The following RIC1 variants were observed in gnomAD, a reference collection of about 807,000 sequenced individuals.
RIC1 encodes the protein RIC1 partner of RAB6A GEF complex.
A neutral mutation model predicts 169.0 loss-of-function variants in RIC1; 88 were observed. That is an observed-to-expected ratio of 0.52 (90% CI 0.44 to 0.62). The LOEUF is 0.62. Among genes scored for constraint, RIC1 ranks in the 20% least tolerant of loss-of-function variants. RIC1 has a pLI of 0.00. For missense variants in RIC1, 1,877 were observed against 1,725.5 expected (o/e 1.09, Z -1.56); for synonymous variants, 790 against 601.5 (o/e 1.31, Z -4.59).
chr9:5,777,215 A>G (rs1369497226), downstream of RIC1, among the ~76,000 whole-genome samples: 1 of 151,788 alleles, frequency 6.6e-6, no homozygotes, highest in African/African-American at 2.4e-5. Flanking sequence ...AGTTCTTTAT[A>G]TATTCTGGAT....
At chr9:5,643,205 G>C (rs985363911) in intron 1 of RIC1, among the ~76,000 whole-genome samples, 25 of 152,156 alleles carry the variant, frequency 1.6e-4, no homozygotes, top group African/African-American at 6.0e-4. Context: ...TAATCTGGTG[G>C]CTGAGGTGGG....
At chr9:5,690,634 G>A (rs962406868) in intron 3 of RIC1, among the ~76,000 whole-genome samples, 12 of 151,252 alleles carry the variant, frequency 7.9e-5, no homozygotes, top group Middle Eastern at 3.4e-3. Flanking sequence ...TTTCTAGATG[G>A]TGGAAGATAT....
intron 2 of RIC1, among the ~76,000 whole-genome samples, chr9:5,666,660 C>T (rs1819783758): frequency 1.3e-5 from 2 of 152,130 alleles, no homozygotes; most frequent in Non-Finnish European, 2.9e-5. Flanking sequence ...TTTCTTCATC[C>T]TGTTAATGTA....
chr9:5,768,792 TC>T lies in RIC1; in HGVS notation c.3138-176del, dbSNP rs374730411. 1.6e-4 allele frequency among the ~76,000 whole-genome samples: 25 copies of T among 152,324 alleles called. No homozygotes were observed. The East Asian group carries it at 4.8e-3, about 29-fold the overall frequency. ...AATGTGTCTTAAGAGCCTTCTGTGT[TC>T]CGAGGGTTGTGGTGTAACACGGAGG... On this transcript the variant is annotated intron_variant, in intron 21 of 25. Transcript: ENST00000414202.
chr9:5,740,823 G>A (rs1398432937), intron 8 of RIC1, among the ~76,000 whole-genome samples: 1 of 152,018 alleles, frequency 6.6e-6, no homozygotes, highest in Non-Finnish European at 1.5e-5. Context: ...TTAATACTTT[G>A]TATCCTTCAA....
In RIC1 at chr9:5,709,418, T is replaced by G. The variant is rs566388268; in HGVS notation, c.333-4478T>G. On this transcript the variant is annotated intron_variant, in intron 3 of 25. Coordinates refer to ENST00000414202, the MANE Select transcript of RIC1 (RefSeq NM_020829.4). ...TAAATATTAGAGTTTGATTATCAGC[T>G]CCCTTACTTTCTTAGCTTTGTGATC... 2.0e-5 allele frequency among the ~76,000 whole-genome samples: 3 copies of G among 152,292 alleles called. No individual in the cohort carries two copies. In the East Asian group the frequency reaches 5.8e-4, roughly 29 times the overall value.
chr9:5,777,790 G>A (rs929118590), downstream of RIC1, among the ~76,000 whole-genome samples: 1 of 152,068 alleles, frequency 6.6e-6, no homozygotes, highest in African/African-American at 2.4e-5. Flanking sequence ...AGAGGTATGG[G>A]TTTATTTATA....
chr9:5,696,020 T>G (rs1821881834), intron 3 of RIC1, among the ~76,000 whole-genome samples: 1 of 152,200 alleles, frequency 6.6e-6, no homozygotes, highest in Admixed American at 6.5e-5. Flanking sequence ...ATTCTTTGTT[T>G]CTTCCTCTGG....
At chr9:5,737,543 C>A (rs893525933) in intron 7 of RIC1, among the ~76,000 whole-genome samples, 6 of 149,688 alleles carry the variant, frequency 4.0e-5, no homozygotes, top group African/African-American at 4.9e-5. Flanking sequence ...TACTGTATAT[C>A]TACTATATAT....
chr9:5,772,147 T>TC (rs1445626533), intron 23 of RIC1, among the ~76,000 whole-genome samples: 2 of 152,220 alleles, frequency 1.3e-5, no homozygotes, highest in Admixed American at 1.3e-4. Flanking sequence ...CCCCACCCTC[T>TC]CCTTTTCCCT....
At chr9:5,700,778 C>T (rs1822167335) in intron 3 of RIC1, among the ~76,000 whole-genome samples, 1 of 152,144 alleles carries the variant, frequency 6.6e-6, no homozygotes, top group South Asian at 2.1e-4. Flanking sequence ...GAACAGATCA[C>T]TTAAAACTTC....
intron 22 of RIC1, 79 bp from the exon 23 acceptor site, chr9:5,770,008 A>G: frequency 2.3e-6 from 3 of 1,306,910 alleles, no homozygotes; most frequent in South Asian, 1.4e-5. Context: ...AGGGGAAGCT[A>G]AAAGAGCTGA....
At chr9:5,715,879 A>G (rs1198833559) in intron 4 of RIC1, among the ~76,000 whole-genome samples, 2 of 142,938 alleles carry the variant, frequency 1.4e-5, no homozygotes, top group East Asian at 4.4e-4. Context: ...GCTGAAGTGC[A>G]GTGGCACAAT....
chr9:5,777,681 TGAAA>T (rs1827665402), downstream of RIC1, among the ~76,000 whole-genome samples: 2 of 152,196 alleles, frequency 1.3e-5, no homozygotes, highest in Non-Finnish European at 2.9e-5. Context: ...ATATATGATA[TGAAA>T]GAGAGATCTG....
Position 5,774,390 on chromosome 9 carries a change from TTGTC to T in RIC1, c.*146_*149del. ...TTAGTAGATTTTAACTAATTCTTTC[TTGTC>T]TAAGAAATCTTTTTGACTCCATAAA... On this transcript the variant is annotated 3_prime_UTR_variant, in exon 26 of 26. Transcript: ENST00000414202. The T allele has an allele frequency of 1.1e-5, 7 of 635,800 alleles. No individual in the cohort carries two copies. Among genetic ancestry groups the T allele is most frequent in the South Asian group, 5.0e-5 (1 of 20,074 alleles). 39.4% of individuals were successfully genotyped at this position (635,800 alleles called of 1,614,324 possible). A position where few individuals can be genotyped will look rare whatever the true frequency, so the allele number is the denominator to read the frequency against.
At chr9:5,693,235 T>C (rs1270283878) in intron 3 of RIC1, among the ~76,000 whole-genome samples, 1 of 152,154 alleles carries the variant, frequency 6.6e-6, no homozygotes, top group Non-Finnish European at 1.5e-5. Context: ...TTCTCTTCTG[T>C]AAATCTTACA....
intron 2 of RIC1, among the ~76,000 whole-genome samples, chr9:5,685,312 T>C (rs1243657076): frequency 6.6e-6 from 1 of 151,196 alleles, no homozygotes; most frequent in East Asian, 1.9e-4. Context: ...AGAGCCCGCA[T>C]CGCCAAGTCA....
chr9:5,749,314 C>G (rs983231025), intron 12 of RIC1, among the ~76,000 whole-genome samples: 1 of 152,218 alleles, frequency 6.6e-6, no homozygotes, highest in East Asian at 1.9e-4. Context: ...CGCTGGCACT[C>G]CAGCTACATG....
rs1236372079 is a variant in RIC1 at position 5,770,185 on chromosome 9, A to G, written c.3523A>G (p.Ser1175Gly). The change falls in exon 23 of 26, where the codon AGC (serine) becomes GGC (glycine). Residue 1175 changes from serine (S) to glycine (G), a missense_variant. Transcript: ENST00000414202. ...SNIQRSQSWL[S>G]NIGPTHHEID... The stretch of plus-strand genomic sequence containing the variant: ...CATCCAGCGAAGTCAGAGCTGGCTC[A>G]GCAACATTGGCCCCACCCATCATGA... 1 of 1,614,042 alleles carries G rather than the reference A, an allele frequency of 6.2e-7. No homozygotes were observed. Among genetic ancestry groups the G allele is most frequent in the Admixed American group, 1.7e-5 (1 of 60,012 alleles).
Sources: allele counts gnomAD v4.1 joint callset (sites outside exome capture counted in the v4.1 genomes callset), GRCh38; gene constraint gnomAD v4.1.1; transcripts MANE v1.5; gene names NCBI Gene and HGNC (gene_info 2026-07-23, HGNC 2026-07-21).